The following NEIL1 variants were observed in gnomAD, a reference collection of about 807,000 sequenced individuals.
The protein encoded by NEIL1 is endonuclease 8-like 1.
Under a neutral mutation model 44.2 loss-of-function variants are expected in NEIL1, and 31 were observed. The observed-to-expected ratio is 0.70, with a 90% CI of 0.53 to 0.95. NEIL1 has a LOEUF of 0.95. Ranked by LOEUF, NEIL1 falls within the 40% of genes least tolerant of loss-of-function variation. The pLI is 0.00. For synonymous variants in NEIL1, 254 were observed against 209.7 expected (o/e 1.21, Z -1.83); for missense variants, 549 against 515.5 (o/e 1.07, Z -0.63).
chr15:75,350,076 G>A (rs2071762828), intron 2 of NEIL1, among the ~76,000 whole-genome samples: 3 of 152,234 alleles, frequency 2.0e-5, no homozygotes, highest in Admixed American at 1.3e-4. Context: ...TGGGCTTTGT[G>A]GTCTCCCACA....
rs950935793 is a variant in NEIL1 at position 75,356,504 on chromosome 15, T to G, written c.*1470T>G. The G allele has an allele frequency of 1.9e-6, 3 of 1,563,148 alleles. No homozygotes were observed. The East Asian group carries it at 6.9e-5, about 36-fold the overall frequency. The stretch of plus-strand genomic sequence containing the variant: ...GGAGAATGGGGGCTACCCTCCCCTG[T>G]CCCTAGAAGGGGCAGGAAGCCAGGT... On this transcript the variant is annotated 3_prime_UTR_variant, in exon 10 of 10. Transcript: ENST00000355059. This position sits in a 1 kb window ranked among gnomAD's most constrained non-coding sequence, Gnocchi z 5.8.
Position 75,355,866 on chromosome 15 carries a change from C to T in NEIL1, c.*832C>T, listed in dbSNP as rs200547980. 2.7e-4 allele frequency: 433 copies of T among 1,612,440 alleles called. No homozygotes were observed. Among genetic ancestry groups the T allele is most frequent in the Middle Eastern group, 2.0e-3 (12 of 6,008 alleles). ...GGCTGGGGAAGCAGAAATTAGGAGT[C>T]CCCAGAGCCTTCTACAAACAAAACC... On this transcript the variant is annotated 3_prime_UTR_variant, in exon 10 of 10. Coordinates refer to ENST00000355059, the MANE Select transcript of NEIL1 (RefSeq NM_024608.4).
At chr15:75,348,420 G>T in intron 1 of NEIL1, 1 of 1,007,574 alleles carries the variant, frequency 9.9e-7, no homozygotes, top group African/African-American at 1.7e-5. Flanking sequence ...GACCCTTTCA[G>T]ATGGTGGGAG....
In NEIL1 at chr15:75,349,102, C is replaced by A; in HGVS notation, c.197C>A (p.Ala66Asp). The change falls in exon 2 of 10, where the codon GCC (alanine) becomes GAC (aspartate). Residue 66 changes from alanine (A) to aspartate (D), a missense_variant. By Grantham distance (126) the Ala-to-Asp change is moderately radical. Transcript: ENST00000355059. ...LRLILSPLPG[A>D]QPQQEPLALV... ...CTGATACTGAGCCCTCTGCCTGGGG[C>A]CCAGCCCCAACAGGAGCCACTGGCC... 1 of 1,612,192 alleles carries A rather than the reference C, an allele frequency of 6.2e-7. No homozygotes were observed.
chr15:75,348,835 C>T, intron 1 of NEIL1, 49 bp from the exon 2 acceptor site: 3 of 1,564,984 alleles, frequency 1.9e-6, no homozygotes, highest in South Asian at 1.1e-5. Flanking sequence ...ACAGCCGCTA[C>T]CTCACAAAGT....
chr15:75,349,382 A>C (rs1433458870), intron 2 of NEIL1, 43 bp downstream of exon 2: 1 of 1,537,872 alleles, frequency 6.5e-7, no homozygotes, highest in African/African-American at 1.4e-5. Context: ...CGCGGGCTCC[A>C]CACCTGACTC....
chr15:75,355,246 A>C lies in NEIL1; in HGVS notation c.*212A>C. The C allele has an allele frequency of 1.8e-6, 1 of 553,602 alleles. No individual in the cohort carries two copies. The highest frequency in any genetic ancestry group is 3.2e-6 in the Non-Finnish European group (1 of 311,612). 34.3% of individuals were successfully genotyped at this position (553,602 alleles called of 1,614,324 possible). ...CATTTTTAATAAACTGATACATTTG[A>C]ACTTCTTGGCACCTCTTGGTCTGAG... On this transcript the variant is annotated 3_prime_UTR_variant, in exon 10 of 10. Coordinates refer to ENST00000355059, the MANE Select transcript of NEIL1 (RefSeq NM_024608.4).
At position 75,349,037 on chromosome 15, in the gene NEIL1, C is replaced by T. The variant is rs2071666468; in HGVS notation, c.132C>T (p.Ala44=). The T allele has an allele frequency of 6.2e-6, 10 of 1,613,740 alleles. No homozygotes were observed. Among genetic ancestry groups the T allele is most frequent in the African/African-American group, 5.3e-5 (4 of 75,072 alleles). Residue 44 remains alanine (A), a synonymous_variant, in exon 2 of 10, where the codon GCC becomes GCT. Coordinates refer to ENST00000355059, the MANE Select transcript of NEIL1 (RefSeq NM_024608.4). ...CTGAGGTGCCCTTTGAGAGCAGTGC[C>T]TACCGCATCTCAGCTTCAGCCCGCG... ...RNPEVPFESS[A]YRISASARGK...
At chr15:75,348,007 G>A (rs1411153874) in intron 1 of NEIL1, 2 of 1,196,564 alleles carry the variant, frequency 1.7e-6, no homozygotes, top group East Asian at 7.2e-5. Context: ...GAGGCAAGTG[G>A]CAAAGCAGGG....
chr15:75,349,368 T>C lies in NEIL1; in HGVS notation c.434+29T>C, dbSNP rs778289876. 4.5e-6 allele frequency: 7 copies of C among 1,565,412 alleles called. No homozygotes were observed. In the South Asian group the frequency reaches 5.8e-5, roughly 13 times the overall value. ...GGGCCAGCACCAGGTGTGATGAACA[T>C]AGTCGCGGGCTCCACACCTGACTCT... On this transcript the variant is annotated intron_variant, in intron 2 of 9. Coordinates refer to ENST00000355059, the MANE Select transcript of NEIL1 (RefSeq NM_024608.4).
At chr15:75,349,846 GGA>G (rs1321749446) in intron 2 of NEIL1, among the ~76,000 whole-genome samples, 5 of 152,140 alleles carry the variant, frequency 3.3e-5, no homozygotes, top group South Asian at 2.1e-4. Flanking sequence ...TGATGGGGGA[GGA>G]GAGAGGAGAG....
At position 75,352,336 on chromosome 15, in the gene NEIL1, C is replaced by T; in HGVS notation, c.567C>T (p.Pro189=). 2 of 1,614,208 alleles carry T rather than the reference C, an allele frequency of 1.2e-6. No individual in the cohort carries two copies. The highest frequency in any genetic ancestry group is 1.7e-6 in the Non-Finnish European group (2 of 1,180,044). Reference sequence around the variant, plus strand: ...GCCCCCACTACAGGCTGAAGATCCCCCCCTTTGAGAAGGCCCGCTCGGTCC... The same window carrying T: ...GCCCCCACTACAGGCTGAAGATCCCTCCCTTTGAGAAGGCCCGCTCGGTCC... ...RAEILYRLKI[P]PFEKARSVLE... The change falls in exon 4 of 10, where the codon CCC becomes CCT. Residue 189 remains proline (P), a synonymous_variant. Transcript: ENST00000355059.
At chr15:75,352,574 A>G in intron 4 of NEIL1, 28 bp from the exon 5 acceptor site, 1 of 1,603,230 alleles carries the variant, frequency 6.2e-7, no homozygotes, top group Non-Finnish European at 8.5e-7. Flanking sequence ...CTGCTGACAG[A>G]CAGGTCCTGC....
At chr15:75,352,829 G>A in intron 5 of NEIL1, 128 bp downstream of exon 5, 2 of 740,954 alleles carry the variant, frequency 2.7e-6, no homozygotes, top group Non-Finnish European at 4.6e-6. Context: ...CAATGGACTA[G>A]GCCTCCTCAC....
chr15:75,348,392 G>A (rs2071610990), intron 1 of NEIL1: 7 of 986,436 alleles, frequency 7.1e-6, no homozygotes, highest in Non-Finnish European at 8.4e-6. Context: ...GCAGGGAGGG[G>A]CGGCCACGCG....
At position 75,355,614 on chromosome 15, in the gene NEIL1, CT is replaced by C. The variant is rs1431980489; in HGVS notation, c.*584del. 1.3e-5 allele frequency: 5 copies of C among 372,198 alleles called. No homozygotes were observed. The highest frequency in any genetic ancestry group is 6.3e-5 in the African/African-American group (3 of 47,806). The allele number at this position is 372,198 out of a possible 1,614,324, so 23.1% of individuals were successfully genotyped here. A position where few individuals can be genotyped will look rare whatever the true frequency, so the allele number is the denominator to read the frequency against. ...TCTCAACTCATGGTCTCTTCACTGG[CT>C]TTTGGTGGCTCGAGGTCCCCAGTCT... On this transcript the variant is annotated 3_prime_UTR_variant, in exon 10 of 10. Coordinates refer to ENST00000355059, the MANE Select transcript of NEIL1 (RefSeq NM_024608.4).
Position 75,353,809 on chromosome 15 carries a change from T to A in NEIL1, c.789T>A (p.Tyr263Ter). Reference protein sequence around the residue: ...FAAFRAWLRCYGMPGMSSLQD... With the variant: ...FAAFRAWLRC ...CCTTTCGAGCCTGGCTGCGCTGCTA[T>A]GGCATGCCAGGCATGAGCTCCCTGC... The change falls in exon 6 of 10, where the codon TAT becomes TAA. Residue 263 changes from tyrosine to a stop codon, truncating the protein, a stop_gained. Transcript: ENST00000355059. LOFTEE classifies it high-confidence loss of function. 1 of 1,613,884 alleles carries A rather than the reference T, an allele frequency of 6.2e-7. No individual in the cohort carries two copies. The highest frequency in any genetic ancestry group is 1.1e-5 in the South Asian group (1 of 91,074).
rs770876427 is a variant in NEIL1, at chr15:75,349,155, T to C, written c.250T>C (p.Ser84Pro). The change falls in exon 2 of 10, where the codon TCT becomes CCT. Residue 84 changes from serine (S) to proline (P), a missense_variant. Ser to Pro is a moderately conservative substitution (Grantham distance 74). Coordinates refer to ENST00000355059, the MANE Select transcript of NEIL1 (RefSeq NM_024608.4). ...GGTCTTCCGCTTCGGCATGTCCGGC[T>C]CTTTTCAGCTGGTGCCCCGCGAGGA... Reference protein sequence around the residue: ...ALVFRFGMSGSFQLVPREELP... With the variant: ...ALVFRFGMSGPFQLVPREELP... 2 of 1,609,692 alleles carry C rather than the reference T, an allele frequency of 1.2e-6. No homozygotes were observed. The highest frequency in any genetic ancestry group is 1.3e-5 in the African/African-American group (1 of 74,924).
At chr15:75,348,126 C>T (rs2071585944) in intron 1 of NEIL1, 1 of 784,986 alleles carries the variant, frequency 1.3e-6, no homozygotes, top group Non-Finnish European at 1.6e-6. Flanking sequence ...CTTCCTGGTG[C>T]CCGCCGTCCT....
Sources: gnomAD v4.1 joint callset for allele counts (sites outside exome capture counted in the v4.1 genomes callset) on GRCh38, gnomAD v4.1.1 for gene constraint, Gnocchi (gnomAD v3.1) non-coding constraint, MANE v1.5 for transcripts, NCBI Gene and HGNC (gene_info 2026-07-23, HGNC 2026-07-21) for gene names.